Variants in ARAP2 observed in about 807,000 individuals in gnomAD.
ARAP2 encodes ArfGAP with RhoGAP domain, ankyrin repeat and PH domain 2.
A neutral mutation model predicts 194.5 loss-of-function variants in ARAP2; 148 were observed. The observed-to-expected ratio is 0.76, with a 90% CI of 0.67 to 0.87. The LOEUF is 0.87. ARAP2 is among the 40% of genes least tolerant of loss of function. ARAP2 has a pLI of 0.00. For synonymous variants in ARAP2, 695 were observed against 683.5 expected, an observed-to-expected ratio of 1.02 and a Z score of -0.26; for missense variants, 2,128 against 1,989.7, an observed-to-expected ratio of 1.07 and a Z score of -1.32.
At chr4:36,105,081 A>C (rs1718020644) in intron 27 of ARAP2, among the ~76,000 whole-genome samples, 2 of 152,046 alleles carry the variant, frequency 1.3e-5, no homozygotes, top group Admixed American at 6.6e-5. Flanking sequence ...CATCCTTGGG[A>C]GGTCAAGGCA....
intron 16 of ARAP2, 93 bp downstream of exon 16, chr4:36,150,807 A>G: frequency 7.3e-7 from 1 of 1,366,902 alleles, no homozygotes; most frequent in South Asian, 1.3e-5. Flanking sequence ...ATTAGAAGCA[A>G]CTAAAGAACT....
chr4:36,145,626 C>T (rs1373234351), intron 19 of ARAP2, among the ~76,000 whole-genome samples: 2 of 151,938 alleles, frequency 1.3e-5, no homozygotes, highest in East Asian at 3.9e-4. Context: ...CCTAGCACTA[C>T]ACAATATATC....
exon 7 of ARAP2, chr4:36,015,914 T>C (rs1002967499): frequency 6.6e-6 from 1 of 152,116 alleles, no homozygotes; most frequent in African/African-American, 2.4e-5. Flanking sequence ...GGAATAAATA[T>C]GCACATATCC....
At chr4:36,184,876 C>T (rs1302438801) in intron 8 of ARAP2, among the ~76,000 whole-genome samples, 2 of 152,180 alleles carry the variant, frequency 1.3e-5, no homozygotes, top group African/African-American at 4.8e-5. Context: ...TCAAGAAACA[C>T]AGTAAGAGAA....
At chr4:36,176,316 C>G (rs997106974) in intron 9 of ARAP2, among the ~76,000 whole-genome samples, 7 of 152,132 alleles carry the variant, frequency 4.6e-5, no homozygotes, top group Admixed American at 1.3e-4. Context: ...ACTCAGCAAA[C>G]AGTATTCATT....
At chr4:36,142,374 T>C (rs1473205944) in intron 19 of ARAP2, among the ~76,000 whole-genome samples, 5 of 151,702 alleles carry the variant, frequency 3.3e-5, no homozygotes, top group Admixed American at 2.6e-4. Flanking sequence ...GAAAACAAAC[T>C]GCACATATAT....
At chr4:36,194,011 T>TA (rs1742532240) in intron 6 of ARAP2, among the ~76,000 whole-genome samples, 1 of 152,242 alleles carries the variant, frequency 6.6e-6, no homozygotes, top group Non-Finnish European at 1.5e-5. Flanking sequence ...ATTAAGCTTA[T>TA]ATATCTATTT....
intron 27 of ARAP2, among the ~76,000 whole-genome samples, chr4:36,096,289 T>C (rs1355160368): frequency 6.9e-6 from 1 of 145,324 alleles, no homozygotes; most frequent in Non-Finnish European, 1.5e-5. Flanking sequence ...CATCTGAACC[T>C]GAGAGGCGGA....
intron 20 of ARAP2, among the ~76,000 whole-genome samples, 191 bp from the exon 21 acceptor site, chr4:36,128,936 T>A (rs1363912229): frequency 1.3e-5 from 2 of 152,002 alleles, no homozygotes; most frequent in Non-Finnish European, 2.9e-5. Flanking sequence ...GTAAACCTAA[T>A]GAGCAAATCA....
chr4:36,129,567 T>C (rs1302924217), intron 20 of ARAP2, among the ~76,000 whole-genome samples: 1 of 151,912 alleles, frequency 6.6e-6, no homozygotes, highest in Non-Finnish European at 1.5e-5. Context: ...CTGTAAATTC[T>C]TTTAACCCCC....
intron 15 of ARAP2, among the ~76,000 whole-genome samples, chr4:36,154,072 T>C (rs1447660350): frequency 2.0e-5 from 3 of 152,184 alleles, no homozygotes; most frequent in Non-Finnish European, 2.9e-5. Flanking sequence ...CTGCCCTCTT[T>C]ATGCTTGCAA....
At chr4:36,235,583 T>C (rs1352898811) in intron 1 of ARAP2, among the ~76,000 whole-genome samples, 3 of 152,352 alleles carry the variant, frequency 2.0e-5, no homozygotes, top group Middle Eastern at 3.4e-3. Flanking sequence ...CTACTACTGC[T>C]GGTATCTGTT....
At chr4:36,048,517 T>C (rs1306866786) in intron 3 of ARAP2, among the ~76,000 whole-genome samples, 1 of 152,106 alleles carries the variant, frequency 6.6e-6, no homozygotes, top group East Asian at 1.9e-4. Context: ...TTTTGATGCA[T>C]GTTGCTGCAA....
intron 25 of ARAP2, 86 bp downstream of exon 25, chr4:36,116,970 AAATAT>A (rs1460382268): frequency 2.5e-6 from 2 of 787,990 alleles, no homozygotes; most frequent in Admixed American, 3.9e-5. Flanking sequence ...AGGTAATATA[AAATAT>A]AATAATGGAA....
chr4:36,030,893 AG>A (rs1464946037), intron 5 of ARAP2, among the ~76,000 whole-genome samples: 1 of 145,596 alleles, frequency 6.9e-6, no homozygotes, highest in Admixed American at 7.1e-5. Context: ...GCACTTTGGG[AG>A]GCCTAGTCGG....
At position 36,046,594 on chromosome 4, in the gene ARAP2, T is replaced by C. The variant is rs189657204; in HGVS notation, n.509+116A>G. 4 of 152,286 alleles carry C rather than the reference T, an allele frequency of 2.6e-5. No homozygotes were observed. The East Asian group carries it at 7.7e-4, about 29-fold the overall frequency. The allele number at this position is 152,286 out of a possible 1,614,324, so 9.4% of individuals were successfully genotyped here. ...TCTAATGCAGACCACAGAAAGAATC[T>C]ATTTTGAAGTGCTGTAGAAAATTAA... On this transcript the variant is annotated intron_variant and non_coding_transcript_variant, in intron 4 of 12. Transcript: ENST00000503225.
intron 8 of ARAP2, among the ~76,000 whole-genome samples, chr4:36,181,539 A>C (rs1739250994): frequency 6.6e-6 from 1 of 152,230 alleles, no homozygotes; most frequent in Non-Finnish European, 1.5e-5. Context: ...AACATCAACA[A>C]CATTATCTAA....
intron 15 of ARAP2, among the ~76,000 whole-genome samples, chr4:36,155,777 A>T (rs78985501): frequency 0.31 from 46,931 of 151,260 alleles, 8,743 homozygotes; most frequent in East Asian, 0.46. Flanking sequence ...ATTCTCCTAA[A>T]AAGGTCTTTT....
rs1041729469 is a variant in ARAP2, at chr4:36,240,400, A to G, written c.-160+3779T>C. ...GTTAACATAGTTTTATTAATGTAGTAACGTATACATGTAGTTAGAGTTGTA... is the reference window on the plus strand; with the variant it reads ...GTTAACATAGTTTTATTAATGTAGTGACGTATACATGTAGTTAGAGTTGTA... On this transcript the variant is annotated intron_variant, in intron 1 of 32. Transcript: ENST00000303965. Among the ~76,000 whole-genome samples, 12 of 152,350 alleles carry G rather than the reference A, an allele frequency of 7.9e-5. No homozygotes were observed. The East Asian group carries it at 1.3e-3, about 17-fold the overall frequency.
Sources: allele counts gnomAD v4.1 joint callset (sites outside exome capture counted in the v4.1 genomes callset), GRCh38; gene constraint gnomAD v4.1.1; transcripts MANE v1.5; gene names NCBI Gene and HGNC (gene_info 2026-07-23, HGNC 2026-07-21).